Variants in ARHGEF3 observed in about 807,000 individuals in gnomAD.
ARHGEF3 encodes 59.8 kDA protein.
Under a neutral mutation model 63.2 loss-of-function variants are expected in ARHGEF3, and 28 were observed. The ratio of observed to expected loss-of-function variants is 0.44; its 90% CI spans 0.33 to 0.61. ARHGEF3 has a LOEUF of 0.61. Among genes scored for constraint, ARHGEF3 ranks in the 20% least tolerant of loss-of-function variants. ARHGEF3 has a pLI of 0.03. For missense variants in ARHGEF3, 533 were observed against 659.3 expected (o/e 0.81, Z 2.10); for synonymous variants, 266 against 254.2 (o/e 1.05, Z -0.44).
At chr3:57,000,705 G>T (rs56148802) in intron 2 of ARHGEF3, among the ~76,000 whole-genome samples, 7,362 of 152,008 alleles carry the variant, frequency 0.048, 287 homozygotes, top group Non-Finnish European at 0.078. Context: ...GCAAATTTTT[G>T]TATTTTTAGT....
chr3:56,903,428 G>A (rs762473155), intron 3 of ARHGEF3, among the ~76,000 whole-genome samples: 7 of 152,182 alleles, frequency 4.6e-5, no homozygotes, highest in Non-Finnish European at 1.0e-4. Context: ...CTTGCCCAAG[G>A]GCACTTGCAG....
At chr3:57,006,629 G>A (rs1008983181) in intron 2 of ARHGEF3, among the ~76,000 whole-genome samples, 2 of 152,096 alleles carry the variant, frequency 1.3e-5, no homozygotes, top group Non-Finnish European at 2.9e-5. Context: ...CAGGCAGATC[G>A]TAGCTTTTCA....
intron 3 of ARHGEF3, among the ~76,000 whole-genome samples, chr3:56,907,488 A>G (rs767586807): frequency 1.3e-5 from 2 of 152,220 alleles, no homozygotes; most frequent in Non-Finnish European, 2.9e-5. Flanking sequence ...AAACAGAAAT[A>G]TCATTCAACC....
chr3:57,003,142 A>C (rs911138868), intron 2 of ARHGEF3, among the ~76,000 whole-genome samples: 2 of 151,536 alleles, frequency 1.3e-5, no homozygotes, highest in Non-Finnish European at 2.9e-5. Context: ...GCAGTGGCTC[A>C]CGCTTATAAT....
At chr3:57,048,051 C>T (rs1300061966) in intron 1 of ARHGEF3, among the ~76,000 whole-genome samples, 3 of 152,154 alleles carry the variant, frequency 2.0e-5, no homozygotes, top group Non-Finnish European at 4.4e-5. Flanking sequence ...TGAGCCTTCA[C>T]GCACTTCAGC....
chr3:56,801,650 A>C (rs2037656015), intron 1 of ARHGEF3, 53 bp downstream of exon 1: 2 of 1,539,446 alleles, frequency 1.3e-6, no homozygotes, highest in Non-Finnish European at 1.8e-6. Context: ...AGATGGAGGC[A>C]GACGAGACAG....
At chr3:57,056,380 C>T (rs71309999) in intron 1 of ARHGEF3, among the ~76,000 whole-genome samples, 18,382 of 90,460 alleles carry the variant, frequency 0.2, 1,399 homozygotes, top group Middle Eastern at 0.32. Flanking sequence ...GAGCAAGACT[C>T]CATCAAAAAA....
intron 4 of ARHGEF3, among the ~76,000 whole-genome samples, chr3:56,834,323 T>C (rs189867668): frequency 6.6e-6 from 1 of 152,226 alleles, no homozygotes; most frequent in Admixed American, 6.5e-5. Flanking sequence ...TGGCACTAGG[T>C]ATGAAGTAGA....
chr3:57,043,118 T>A (rs1704297915), intron 1 of ARHGEF3, among the ~76,000 whole-genome samples: 1 of 151,904 alleles, frequency 6.6e-6, no homozygotes, highest in East Asian at 1.9e-4. Context: ...TCTGTACCAC[T>A]AACATTTTTT....
chr3:56,969,388 A>T (rs1433761306), intron 2 of ARHGEF3, among the ~76,000 whole-genome samples: 9 of 113,696 alleles, frequency 7.9e-5, no homozygotes, highest in East Asian at 3.4e-4. Context: ...TTTCTTATTG[A>T]TTGATCAATA....
intron 3 of ARHGEF3, among the ~76,000 whole-genome samples, chr3:56,957,665 AG>A (rs199983312): frequency 6.6e-6 from 1 of 152,174 alleles, no homozygotes; most frequent in East Asian, 1.9e-4. Context: ...ACTCAGATTC[AG>A]GGGGTGGTCA....
intron 4 of ARHGEF3, among the ~76,000 whole-genome samples, chr3:56,836,525 G>A (rs1440149543): frequency 1.3e-5 from 2 of 152,090 alleles, no homozygotes; most frequent in South Asian, 2.1e-4. Flanking sequence ...ATGCCAAAGC[G>A]TTTTCAACCC....
intron 3 of ARHGEF3, among the ~76,000 whole-genome samples, chr3:56,922,524 A>G (rs2042170975): frequency 6.6e-6 from 1 of 152,174 alleles, no homozygotes; most frequent in African/African-American, 2.4e-5. Flanking sequence ...TTACATGAAT[A>G]CTCAGGAGGA....
intron 4 of ARHGEF3, among the ~76,000 whole-genome samples, chr3:56,843,305 G>A (rs562386169): frequency 5.3e-5 from 8 of 152,158 alleles, no homozygotes; most frequent in Non-Finnish European, 8.8e-5. Flanking sequence ...TGTCTCCCAG[G>A]CTAGAGTACA....
chr3:57,058,373 G>A (rs1047720333), intron 1 of ARHGEF3, among the ~76,000 whole-genome samples: 3 of 152,060 alleles, frequency 2.0e-5, no homozygotes, highest in Non-Finnish European at 2.9e-5. Flanking sequence ...TGATGCTCTC[G>A]GCGTCCAGCA....
At chr3:56,941,715 A>T (rs1699197565) in intron 3 of ARHGEF3, among the ~76,000 whole-genome samples, 1 of 152,232 alleles carries the variant, frequency 6.6e-6, no homozygotes, top group Admixed American at 6.5e-5. Context: ...ACACAACAAC[A>T]GTTCTCTGGG....
chr3:57,044,989 G>A (rs921087715), intron 1 of ARHGEF3, among the ~76,000 whole-genome samples: 7 of 152,152 alleles, frequency 4.6e-5, no homozygotes, highest in Non-Finnish European at 1.0e-4. Context: ...ACTATTGGCC[G>A]GACGTGGTGG....
chr3:57,047,173 C>A (rs1194457582), intron 1 of ARHGEF3, among the ~76,000 whole-genome samples: 1 of 152,118 alleles, frequency 6.6e-6, no homozygotes, highest in East Asian at 1.9e-4. Flanking sequence ...CATGGTGAAA[C>A]CCCGTCTCCA....
chr3:56,823,178 C>T (rs2038583438), intron 4 of ARHGEF3, among the ~76,000 whole-genome samples: 1 of 152,144 alleles, frequency 6.6e-6, no homozygotes, highest in Non-Finnish European at 1.5e-5. Flanking sequence ...ATAGTTTCCT[C>T]TTGCAGCAGA....
Sources: gnomAD v4.1 joint callset for allele counts (sites outside exome capture counted in the v4.1 genomes callset) on GRCh38, gnomAD v4.1.1 for gene constraint, MANE v1.5 for transcripts, NCBI Gene and HGNC (gene_info 2026-07-23, HGNC 2026-07-21) for gene names.